Variants in CEMIP observed in about 807,000 individuals in gnomAD.
The protein encoded by CEMIP is cell migration-inducing and hyaluronan-binding protein.
In CEMIP, 105 loss-of-function variants were observed where a neutral mutation model predicts 156.9. The observed-to-expected ratio is 0.67, with a 90% CI of 0.57 to 0.79. The LOEUF is 0.79. Ranked by LOEUF, CEMIP falls within the 30% of genes least tolerant of loss-of-function variation. The pLI is 0.00. For synonymous variants in CEMIP, 676 were observed against 668.4 expected (o/e 1.01, Z -0.17); for missense variants, 1,457 against 1,769.4 (o/e 0.82, Z 3.17).
intron 10 of CEMIP, among the ~76,000 whole-genome samples, chr15:80,890,107 C>T (rs1898986259): frequency 6.6e-6 from 1 of 152,158 alleles, no homozygotes; most frequent in Non-Finnish European, 1.5e-5. Flanking sequence ...TCAGTTGGCT[C>T]CATCAAGAAA....
chr15:80,889,526 G>C lies in CEMIP; in HGVS notation c.1020G>C (p.Gly340=). The part of the protein sequence containing the change: ...DHDKVSQTKG[G]EKISDLWKAH... ...ATAAAGTATCTCAGACTAAAGGTGG[G>C]GAGAAAATTTCAGACCTCTGGAAAG... The change falls in exon 10 of 30, where the codon GGG becomes GGC. Residue 340 remains glycine (G), a synonymous_variant. Coordinates refer to ENST00000394685, the MANE Select transcript of CEMIP (RefSeq NM_001293298.2). 1 of 1,614,154 alleles carries C rather than the reference G, an allele frequency of 6.2e-7. No homozygotes were observed. Among genetic ancestry groups the C allele is most frequent in the Non-Finnish European group, 8.5e-7 (1 of 1,180,012 alleles).
chr15:80,890,162 A>G (rs1331281608), intron 10 of CEMIP, among the ~76,000 whole-genome samples: 1 of 152,236 alleles, frequency 6.6e-6, no homozygotes, highest in Non-Finnish European at 1.5e-5. Context: ...CCAGTGGGAT[A>G]CTAGGCTTTG....
At chr15:80,948,677 C>T in intron 29 of CEMIP, 120 bp from the exon 30 acceptor site, 4 of 1,309,104 alleles carry the variant, frequency 3.1e-6, no homozygotes, top group Non-Finnish European at 4.4e-6. Flanking sequence ...GGCCACAGTG[C>T]AGTGTGGCTA....
chr15:80,826,553 G>C (rs1897043472), intron 1 of CEMIP, among the ~76,000 whole-genome samples: 1 of 152,204 alleles, frequency 6.6e-6, no homozygotes, highest in Non-Finnish European at 1.5e-5. Flanking sequence ...GTCTTGCAGA[G>C]AACTAAGACC....
intron 1 of CEMIP, among the ~76,000 whole-genome samples, chr15:80,821,753 C>T (rs929028043): frequency 2.0e-5 from 3 of 152,168 alleles, no homozygotes; most frequent in African/African-American, 7.2e-5. Flanking sequence ...TTAGAGGTGC[C>T]CATGGGCCAT....
chr15:80,904,541 T>C (rs1043886193), intron 12 of CEMIP, among the ~76,000 whole-genome samples: 1 of 152,230 alleles, frequency 6.6e-6, no homozygotes, highest in Non-Finnish European at 1.5e-5. Flanking sequence ...GATGGGAGAT[T>C]ATCTTGGATT....
At position 80,950,601 on chromosome 15, in the gene CEMIP, G is replaced by A. The variant is rs1369828983; in HGVS notation, c.*1677G>A. On this transcript the variant is annotated 3_prime_UTR_variant, in exon 30 of 30. Transcript: ENST00000394685. Reference sequence around the variant, plus strand: ...CTCTCCTGTCTCTGCAGCTCTACAGGTGAGGCCCAGCAGAGGGAGTAGGGC... The same window carrying A: ...CTCTCCTGTCTCTGCAGCTCTACAGATGAGGCCCAGCAGAGGGAGTAGGGC... 1 of 152,334 alleles carries A rather than the reference G, an allele frequency of 6.6e-6. No homozygotes were observed. The allele number at this position is 152,334 out of a possible 1,614,324, so 9.4% of individuals were successfully genotyped here.
chr15:80,817,911 G>A (rs1004130434), intron 1 of CEMIP, among the ~76,000 whole-genome samples: 10 of 152,130 alleles, frequency 6.6e-5, no homozygotes, highest in Non-Finnish European at 1.3e-4. Flanking sequence ...TTTGGCAATA[G>A]GTGTTGGTCA....
At chr15:80,850,067 C>T (rs773641254) in intron 1 of CEMIP, among the ~76,000 whole-genome samples, 3 of 152,114 alleles carry the variant, frequency 2.0e-5, no homozygotes, top group Non-Finnish European at 4.4e-5. Flanking sequence ...GTTCCATTGG[C>T]AAAGCGGTGT....
chr15:80,823,773 G>A (rs984866121), intron 1 of CEMIP, among the ~76,000 whole-genome samples: 1 of 152,194 alleles, frequency 6.6e-6, no homozygotes, highest in African/African-American at 2.4e-5. Context: ...AGGTCAAAAT[G>A]AAGGCACTTC....
intron 14 of CEMIP, among the ~76,000 whole-genome samples, chr15:80,915,279 G>A (rs922446815): frequency 1.3e-5 from 2 of 152,166 alleles, no homozygotes; most frequent in Non-Finnish European, 2.9e-5. Flanking sequence ...GGGAAGGGAC[G>A]GTTATCGTTT....
Position 80,840,512 on chromosome 15 carries a change from A to T in CEMIP, c.-175-33026A>T, listed in dbSNP as rs192211004. Among the ~76,000 whole-genome samples, 876 of 152,282 alleles carry T rather than the reference A, an allele frequency of 5.8e-3. 4 individuals are homozygous for T. The highest frequency in any genetic ancestry group is 9.3e-3 in the Non-Finnish European group (632 of 68,024). The stretch of plus-strand genomic sequence containing the variant: ...TTTGGGTTTTCTGGAAGCTCCTTGA[A>T]GTTGGAATGAAAAATCTGCCTGGTG... On this transcript the variant is annotated intron_variant, in intron 1 of 29. Transcript: ENST00000394685.
At chr15:80,939,289 GC>G (rs1275182909) in intron 25 of CEMIP, among the ~76,000 whole-genome samples, 1 of 152,192 alleles carries the variant, frequency 6.6e-6, no homozygotes, top group African/African-American at 2.4e-5. Context: ...TACGGGCTGA[GC>G]CAAATACCCA....
intron 1 of CEMIP, among the ~76,000 whole-genome samples, chr15:80,804,574 G>T (rs1284395821): frequency 1.3e-5 from 2 of 152,140 alleles, no homozygotes; most frequent in Non-Finnish European, 2.9e-5. Flanking sequence ...CTGACATCTG[G>T]GCAAGGATGC....
chr15:80,912,920 A>T (rs1329944734), intron 14 of CEMIP, among the ~76,000 whole-genome samples: 1 of 152,188 alleles, frequency 6.6e-6, no homozygotes, highest in Non-Finnish European at 1.5e-5. Context: ...CTGATTTGGA[A>T]TGCAGAGGCC....
intron 1 of CEMIP, among the ~76,000 whole-genome samples, chr15:80,782,620 T>C (rs1216579040): frequency 6.6e-6 from 1 of 152,020 alleles, no homozygotes; most frequent in African/African-American, 2.4e-5. Flanking sequence ...AGTGTGTGTG[T>C]GTGCGTGCAT....
At chr15:80,892,724 G>A (rs1899072634) in intron 10 of CEMIP, among the ~76,000 whole-genome samples, 1 of 152,178 alleles carries the variant, frequency 6.6e-6, no homozygotes, top group Non-Finnish European at 1.5e-5. Context: ...AGTGGGTGCT[G>A]CCTTAAATTT....
chr15:80,869,689 C>T (rs1188106275), intron 1 of CEMIP, among the ~76,000 whole-genome samples: 1 of 152,196 alleles, frequency 6.6e-6, no homozygotes, highest in Non-Finnish European at 1.5e-5. Flanking sequence ...AGGCAGGATT[C>T]ACATCCGATT....
chr15:80,917,136 GCTTTTTC>G (rs1900304813), intron 14 of CEMIP, among the ~76,000 whole-genome samples: 1 of 152,122 alleles, frequency 6.6e-6, no homozygotes, highest in African/African-American at 2.4e-5. Context: ...TTTCAATGAG[GCTTTTTC>G]TCTCAGGAGG....
Sources: allele counts gnomAD v4.1 joint callset (sites outside exome capture counted in the v4.1 genomes callset), GRCh38; gene constraint gnomAD v4.1.1; transcripts MANE v1.5; gene names NCBI Gene and HGNC (gene_info 2026-07-23, HGNC 2026-07-21).